The following TTC9 variants were observed in gnomAD, a reference collection of about 807,000 sequenced individuals.
TTC9 encodes the protein tetratricopeptide repeat protein 9A.
A neutral mutation model predicts 22.9 loss-of-function variants in TTC9; 13 were observed. That is an observed-to-expected ratio of 0.57 (90% CI 0.37 to 0.90). The LOEUF is 0.90. TTC9 is among the 40% of genes least tolerant of loss of function. The pLI is 0.01. For missense variants in TTC9, 280 were observed against 291.8 expected, an observed-to-expected ratio of 0.96 and a Z score of 0.29; for synonymous variants, 148 against 133.2, an observed-to-expected ratio of 1.11 and a Z score of -0.77.
In TTC9 at chr14:70,671,064, C is replaced by G; in HGVS notation, c.590-12C>G. 2.5e-6 allele frequency: 4 copies of G among 1,612,774 alleles called. No homozygotes were observed. Among genetic ancestry groups the G allele is most frequent in the Non-Finnish European group, 3.4e-6 (4 of 1,179,062 alleles). On this transcript the variant is annotated splice_polypyrimidine_tract_variant and intron_variant, in intron 2 of 2. Coordinates refer to ENST00000256367, the MANE Select transcript of TTC9 (RefSeq NM_015351.2). Reference sequence around the variant, plus strand: ...ACCTGGTGTTCCCTAAGGTTTATTTCTCTCCTCACAGACACCAACGTGATT... The same window carrying G: ...ACCTGGTGTTCCCTAAGGTTTATTTGTCTCCTCACAGACACCAACGTGATT...
chr14:70,651,861 G>A (rs1368068290), intron 1 of TTC9, among the ~76,000 whole-genome samples: 1 of 152,030 alleles, frequency 6.6e-6, no homozygotes, highest in Non-Finnish European at 1.5e-5. Context: ...CAGAGCAGCC[G>A]GAGCACCCGG....
At chr14:70,668,572 T>C (rs1258039549) in intron 2 of TTC9, among the ~76,000 whole-genome samples, 1 of 152,152 alleles carries the variant, frequency 6.6e-6, no homozygotes, top group East Asian at 1.9e-4. Flanking sequence ...ATGGGGGCGC[T>C]GGGCGTGGTG....
At chr14:70,665,078 G>A (rs1263065330) in intron 1 of TTC9, among the ~76,000 whole-genome samples, 1 of 152,136 alleles carries the variant, frequency 6.6e-6, no homozygotes, top group Non-Finnish European at 1.5e-5. Flanking sequence ...ACCATTTTAT[G>A]CATTCAAAAA....
At chr14:70,655,565 A>T (rs1318570725) in intron 1 of TTC9, among the ~76,000 whole-genome samples, 12 of 152,084 alleles carry the variant, frequency 7.9e-5, no homozygotes, top group Non-Finnish European at 1.5e-5. Flanking sequence ...CTTCAGGTCT[A>T]CCTTTCCCAG....
At chr14:70,659,119 A>AACACACACACGC (rs1365105263) in intron 1 of TTC9, among the ~76,000 whole-genome samples, 1,386 of 134,630 alleles carry the variant, frequency 0.01, 8 homozygotes, top group Non-Finnish European at 0.016. Flanking sequence ...TATATAACTA[A>AACACACACACGC]ACACACACAC....
chr14:70,673,154 A>AT lies in TTC9; in HGVS notation c.*1999_*2000insT, dbSNP rs2139654024. On this transcript the variant is annotated 3_prime_UTR_variant, in exon 3 of 3. Coordinates refer to ENST00000256367, the MANE Select transcript of TTC9 (RefSeq NM_015351.2). ...TACTGATGGAGCCAGCATGTATCTCAACAACTCACCTAGCATTCATCACCC... is the reference window on the plus strand; with the variant it reads ...TACTGATGGAGCCAGCATGTATCTCATACAACTCACCTAGCATTCATCACCC... The AT allele has an allele frequency of 6.6e-6, 1 of 152,294 alleles. No homozygotes were observed. Among genetic ancestry groups the AT allele is most frequent in the East Asian group, 1.9e-4 (1 of 5,190 alleles). The allele number at this position is 152,294 out of a possible 1,614,324, so 9.4% of individuals were successfully genotyped here.
chr14:70,654,828 C>T (rs975994320), intron 1 of TTC9, among the ~76,000 whole-genome samples: 4 of 151,872 alleles, frequency 2.6e-5, no homozygotes, highest in Non-Finnish European at 5.9e-5. Flanking sequence ...GGAAAGCCAC[C>T]GTACAAAAAA....
Position 70,642,083 on chromosome 14 carries a change from G to A in TTC9, c.-47G>A. 1.9e-6 allele frequency: 2 copies of A among 1,037,354 alleles called. No individual in the cohort carries two copies. Among genetic ancestry groups the A allele is most frequent in the Non-Finnish European group, 2.3e-6 (2 of 865,642 alleles). 64.3% of individuals were successfully genotyped at this position (1,037,354 alleles called of 1,614,324 possible). A position where few individuals can be genotyped will look rare whatever the true frequency, so the allele number is the denominator to read the frequency against. ...CCGGGAAGGCGCGGCGGCGGCGGCG[G>A]CGGCGGGCAGATCGCGGCGCGCACC... On this transcript the variant is annotated 5_prime_UTR_variant, in exon 1 of 3. Transcript: ENST00000256367.
At chr14:70,646,831 G>T (rs1337812098) in intron 1 of TTC9, among the ~76,000 whole-genome samples, 4 of 152,218 alleles carry the variant, frequency 2.6e-5, no homozygotes, top group Non-Finnish European at 4.4e-5. Flanking sequence ...TGCCTGGGAT[G>T]GTGCTGGTTT....
At chr14:70,667,878 T>C (rs1886236575) in intron 2 of TTC9, 132 bp downstream of exon 2, 3 of 868,128 alleles carry the variant, frequency 3.5e-6, no homozygotes, top group Admixed American at 2.6e-5. Context: ...ATCAGATATA[T>C]ATGATAAGAC....
chr14:70,654,410 G>A (rs1190543306), intron 1 of TTC9, among the ~76,000 whole-genome samples: 5 of 151,748 alleles, frequency 3.3e-5, no homozygotes, highest in Non-Finnish European at 7.4e-5. Context: ...GGCCAACATG[G>A]TGAAACCCTG....
At chr14:70,662,080 G>T (rs925844568) in intron 1 of TTC9, among the ~76,000 whole-genome samples, 1 of 152,140 alleles carries the variant, frequency 6.6e-6, no homozygotes, top group African/African-American at 2.4e-5. Flanking sequence ...CATTTATTCA[G>T]CCTTTTCAGA....
intron 1 of TTC9, among the ~76,000 whole-genome samples, chr14:70,666,160 C>T (rs1886212636): frequency 6.6e-6 from 1 of 152,092 alleles, no homozygotes; most frequent in Non-Finnish European, 1.5e-5. Flanking sequence ...CACGAAATTT[C>T]AATCATTCTT....
At chr14:70,657,160 C>T (rs748335150) in intron 1 of TTC9, among the ~76,000 whole-genome samples, 8 of 152,192 alleles carry the variant, frequency 5.3e-5, no homozygotes, top group Non-Finnish European at 8.8e-5. Context: ...CTATTTTTGC[C>T]AACAGAGGGT....
At chr14:70,646,074 A>G (rs1885897263) in intron 1 of TTC9, among the ~76,000 whole-genome samples, 1 of 152,214 alleles carries the variant, frequency 6.6e-6, no homozygotes, top group African/African-American at 2.4e-5. Flanking sequence ...GAGGGGACGC[A>G]TGAAGGGTGT....
Position 70,659,120 on chromosome 14 carries a change from A to ACACACACACGCGCG in TTC9, c.407-8435_407-8434insGCGCGCACACACAC, listed in dbSNP as rs1491246365. The stretch of plus-strand genomic sequence containing the variant: ...ACACGATAAAACTGTATATAACTAA[A>ACACACACACGCGCG]CACACACACACGCACACACACACAC... On this transcript the variant is annotated intron_variant, in intron 1 of 2. Transcript: ENST00000256367. Among the ~76,000 whole-genome samples the ACACACACACGCGCG allele has an allele frequency of 5.7e-4, 63 of 110,002 alleles. No individual in the cohort carries two copies. In the East Asian group the frequency reaches 8.9e-3, roughly 15 times the overall value. 72.2% of individuals were successfully genotyped at this position (110,002 alleles called of 152,430 possible).
chr14:70,666,282 G>C (rs539760076), intron 1 of TTC9, among the ~76,000 whole-genome samples: 1 of 152,310 alleles, frequency 6.6e-6, no homozygotes, highest in East Asian at 1.9e-4. Context: ...TTTACTCAAA[G>C]ATGGCTGTTT....
chr14:70,645,363 G>A (rs565483970), intron 1 of TTC9, among the ~76,000 whole-genome samples: 37 of 152,320 alleles, frequency 2.4e-4, no homozygotes, highest in African/African-American at 8.4e-4. Context: ...CCACTGTGGT[G>A]TATTTCCTTC....
At chr14:70,666,261 A>G (rs767354918) in intron 1 of TTC9, among the ~76,000 whole-genome samples, 10 of 152,088 alleles carry the variant, frequency 6.6e-5, no homozygotes, top group Non-Finnish European at 1.3e-4. Context: ...GGAAAGCTCA[A>G]AGGGACATGG....
Sources: gnomAD v4.1 joint callset for allele counts (sites outside exome capture counted in the v4.1 genomes callset) on GRCh38, gnomAD v4.1.1 for gene constraint, MANE v1.5 for transcripts, NCBI Gene and HGNC (gene_info 2026-07-23, HGNC 2026-07-21) for gene names.